Variants in SCN7A observed in about 807,000 individuals in gnomAD.
The protein encoded by SCN7A is sodium channel protein type 7 subunit alpha.
SCN7A carries 138 observed loss-of-function variants against 155.2 expected under a neutral mutation model. That is an observed-to-expected ratio of 0.89 (90% CI 0.77 to 1.02). The LOEUF is 1.02. Ranked by LOEUF, SCN7A falls within the 50% of genes least tolerant of loss-of-function variation. The probability of loss-of-function intolerance (pLI) is 0.00; values close to 1 mark genes in which losing one functional copy is unlikely to be tolerated. For synonymous variants in SCN7A, 693 were observed against 649.0 expected, an observed-to-expected ratio of 1.07 and a Z score of -1.03; for missense variants, 2,058 against 1,986.6, an observed-to-expected ratio of 1.04 and a Z score of -0.68.
intron 1 of SCN7A, among the ~76,000 whole-genome samples, chr2:166,487,932 C>T (rs984130815): frequency 1.3e-5 from 2 of 152,124 alleles, no homozygotes; most frequent in Admixed American, 6.5e-5. Context: ...TTATGCTGTA[C>T]ATCAGACATG....
Position 166,465,517 on chromosome 2 carries a change from A to G in SCN7A, c.886T>C (p.Tyr296His). ...GCATATCTTTCTCCTTCCAAATAAT[A>G]AAAGTTTTCTGTTTCTGAAAAACAG... ...PYYIRETENF[Y>H]YLEGERYALL... Residue 296 changes from tyrosine (Y) to histidine (H), a missense_variant, in exon 9 of 26, where the codon TAT becomes CAT. Tyr to His is a moderately conservative substitution (Grantham distance 83, BLOSUM62 2). Transcript: ENST00000643258. 1 of 1,602,816 alleles carries G rather than the reference A, an allele frequency of 6.2e-7. No homozygotes were observed. Among genetic ancestry groups the G allele is most frequent in the South Asian group, 1.1e-5 (1 of 88,944 alleles).
chr2:166,416,658 A>G, intron 21 of SCN7A, 49 bp downstream of exon 21: 6 of 1,466,368 alleles, frequency 4.1e-6, no homozygotes, highest in Non-Finnish European at 5.5e-6. Context: ...TTCAACCTAC[A>G]ATATGGATGA....
chr2:166,466,944 C>T (rs1053067448), intron 7 of SCN7A, among the ~76,000 whole-genome samples: 3 of 151,692 alleles, frequency 2.0e-5, no homozygotes, highest in African/African-American at 7.3e-5. Flanking sequence ...TGACAGGGTT[C>T]AAATAAAGTC....
chr2:166,429,424 A>G (rs1304054779), intron 16 of SCN7A, 150 bp from the exon 17 acceptor site: 4 of 595,414 alleles, frequency 6.7e-6, no homozygotes, highest in African/African-American at 5.8e-5. Flanking sequence ...TTCATGACTG[A>G]GATTAAAATG....
intron 25 of SCN7A, among the ~76,000 whole-genome samples, chr2:166,409,459 A>G (rs1410605801): frequency 3.3e-5 from 5 of 151,914 alleles, no homozygotes; most frequent in Non-Finnish European, 7.4e-5. Flanking sequence ...TGAACATCTT[A>G]TCTCTATTAG....
In SCN7A at chr2:166,441,686, A is replaced by G. The variant is rs1245427008; in HGVS notation, c.1867T>C (p.Ser623Pro). 6.2e-7 allele frequency: 1 copy of G among 1,613,668 alleles called. No individual in the cohort carries two copies. The highest frequency in any genetic ancestry group is 1.7e-5 in the Admixed American group (1 of 59,974). ...ACCAAGTCTTTCAGGGCCACCCATG[A>G]GTTACTAAGAGACCACATCAAAATC... is the stretch of plus-strand genomic sequence containing the variant. ...FQILMWSLSNSWVALKDLVLL... is the reference protein window; with the variant it reads ...FQILMWSLSNPWVALKDLVLL... The change falls in exon 15 of 26, where the codon TCA becomes CCA. Residue 623 changes from serine (S) to proline (P), a missense_variant. Coordinates refer to ENST00000643258, the MANE Select transcript of SCN7A (RefSeq NM_002976.4).
Position 166,423,347 on chromosome 2 carries a change from A to G in SCN7A, c.2939T>C (p.Ile980Thr). Residue 980 changes from isoleucine (I) to threonine (T), a missense_variant, in exon 19 of 26, where the codon ATT (isoleucine) becomes ACT (threonine). Physicochemically the swap from Ile to Thr is moderately conservative, Grantham distance 89. Coordinates refer to ENST00000643258, the MANE Select transcript of SCN7A (RefSeq NM_002976.4). ...CATCCATTTTAGAAGCATTTCCAGAATGAAGATATAAGTAAAGATCATGTC... is the reference window on the plus strand; with the variant it reads ...CATCCATTTTAGAAGCATTTCCAGAGTGAAGATATAAGTAAAGATCATGTC... ...YADMIFTYIF[I>T]LEMLLKWMAY... 6.2e-7 allele frequency: 1 copy of G among 1,612,350 alleles called. No homozygotes were observed. Among genetic ancestry groups the G allele is most frequent in the Non-Finnish European group, 8.5e-7 (1 of 1,179,068 alleles).
intron 21 of SCN7A, among the ~76,000 whole-genome samples, chr2:166,416,187 G>A (rs542010014): frequency 2.6e-4 from 40 of 152,176 alleles, no homozygotes; most frequent in Non-Finnish European, 1.3e-4. Context: ...CTCTGCTCTC[G>A]AACCCTGTTT....
chr2:166,439,957 G>C (rs888703279), intron 15 of SCN7A, among the ~76,000 whole-genome samples: 1 of 152,106 alleles, frequency 6.6e-6, no homozygotes, highest in Non-Finnish European at 1.5e-5. Context: ...AAATGTACTT[G>C]ATCTTTATGA....
chr2:166,408,344 A>G (rs1041621204), intron 25 of SCN7A, among the ~76,000 whole-genome samples: 5 of 151,934 alleles, frequency 3.3e-5, no homozygotes, highest in African/African-American at 4.8e-5. Context: ...CCTACCATCA[A>G]CAATCCATTT....
intron 23 of SCN7A, among the ~76,000 whole-genome samples, chr2:166,412,193 T>G (rs181297224): frequency 1.3e-5 from 2 of 152,006 alleles, no homozygotes; most frequent in African/African-American, 4.8e-5. Context: ...TAAAAGAGTG[T>G]TTTTTTCTGG....
chr2:166,432,893 A>G, intron 15 of SCN7A, 141 bp from the exon 16 acceptor site: 2 of 608,514 alleles, frequency 3.3e-6, no homozygotes, highest in Non-Finnish European at 2.8e-6. Context: ...ATTGTAATTA[A>G]TAACTGTAGT....
Position 166,413,136 on chromosome 2 carries a change from T to A in SCN7A, c.3415-15A>T. ...TTAAATGTTGCCTGTAAAAATAAAA[T>A]GCATTTAAAATTTATGCTTCCTGGC... On this transcript the variant is annotated splice_polypyrimidine_tract_variant and intron_variant, in intron 21 of 25. Transcript: ENST00000643258. 6.8e-7 allele frequency: 1 copy of A among 1,467,602 alleles called. No individual in the cohort carries two copies. The highest frequency in any genetic ancestry group is 2.4e-5 in the East Asian group (1 of 41,276). The allele number at this position is 1,467,602 out of a possible 1,614,324, so 90.9% of individuals were successfully genotyped here. A position where few individuals can be genotyped will look rare whatever the true frequency, so the allele number is the denominator to read the frequency against.
At chr2:166,422,189 C>T (rs1473061512) in intron 19 of SCN7A, among the ~76,000 whole-genome samples, 1 of 152,036 alleles carries the variant, frequency 6.6e-6, no homozygotes, top group African/African-American at 2.4e-5. Context: ...GAGCTTCTAT[C>T]ATTGTTTATA....
rs1701749546 is a variant in SCN7A at position 166,432,363 on chromosome 2, A to G, written c.2547T>C (p.Asp849=). 6.2e-7 allele frequency: 1 copy of G among 1,612,390 alleles called. No individual in the cohort carries two copies. The change falls in exon 16 of 26, where the codon GAT becomes GAC. Residue 849 remains aspartate (D), a synonymous_variant. Transcript: ENST00000643258. ...CAGACTTACTCTGAATCTCCTTATT[A>G]TCCAGATTTTCTATATCAGATTCTC... The part of the protein sequence containing the change: ...ASGESDIENL[D]NKEIQSKSGD...
At chr2:166,493,784 T>C (rs1683166776) in intron 1 of SCN7A, among the ~76,000 whole-genome samples, 184 bp downstream of exon 1, 1 of 152,224 alleles carries the variant, frequency 6.6e-6, no homozygotes, top group South Asian at 2.1e-4. Context: ...CGGCTGCTCT[T>C]GAAGTATACT....
At chr2:166,450,117 T>G (rs1702145589) in intron 11 of SCN7A, among the ~76,000 whole-genome samples, 1 of 152,212 alleles carries the variant, frequency 6.6e-6, no homozygotes, top group Admixed American at 6.5e-5. Context: ...CCTGGAATAC[T>G]ATACCACTCT....
chr2:166,405,443 A>C lies in SCN7A; in HGVS notation c.*137T>G. The stretch of plus-strand genomic sequence containing the variant: ...AATGCTAAAAAGTGAATTTGGCATG[A>C]AGTCTTGTGAATACAAGCTTAATTA... On this transcript the variant is annotated 3_prime_UTR_variant, in exon 26 of 26. Coordinates refer to ENST00000643258, the MANE Select transcript of SCN7A (RefSeq NM_002976.4). 3.1e-6 allele frequency: 2 copies of C among 648,162 alleles called. 1 individual carries two copies. The highest frequency in any genetic ancestry group is 4.4e-5 in the South Asian group (2 of 45,402). The allele number at this position is 648,162 out of a possible 1,614,324, so 40.2% of individuals were successfully genotyped here.
At chr2:166,473,718 AAT>A in intron 5 of SCN7A, 79 bp downstream of exon 5, 1 of 325,764 alleles carries the variant, frequency 3.1e-6, no homozygotes, top group Non-Finnish European at 5.5e-6. Flanking sequence ...ATCATAATTC[AAT>A]GTTATTAAAA....
Sources: gnomAD v4.1 joint callset for allele counts (sites outside exome capture counted in the v4.1 genomes callset) on GRCh38, gnomAD v4.1.1 for gene constraint, MANE v1.5 for transcripts, NCBI Gene and HGNC (gene_info 2026-07-23, HGNC 2026-07-21) for gene names.